Variants in ALOX5AP observed in about 807,000 individuals in gnomAD.
ALOX5AP encodes arachidonate 5-lipoxygenase-activating protein.
ALOX5AP carries 9 observed loss-of-function variants against 18.5 expected under a neutral mutation model. That is an observed-to-expected ratio of 0.49 (90% CI 0.29 to 0.85). The LOEUF (loss-of-function observed/expected upper bound fraction) is 0.85. Ranked by LOEUF, ALOX5AP falls within the 40% of genes least tolerant of loss-of-function variation. ALOX5AP has a pLI of 0.08. For missense variants in ALOX5AP, 172 were observed against 202.5 expected (o/e 0.85, Z 0.91); for synonymous variants, 81 against 78.6 (o/e 1.03, Z -0.16).
chr13:30,720,489 T>C (rs1348681535), intron 1 of ALOX5AP, among the ~76,000 whole-genome samples: 1 of 152,262 alleles, frequency 6.6e-6, no homozygotes, highest in African/African-American at 2.4e-5. Context: ...TTCATATTAA[T>C]AACATTGGAA....
intron 3 of ALOX5AP, 92 bp from the exon 4 acceptor site, chr13:30,755,852 G>A (rs1314095516): frequency 2.4e-6 from 3 of 1,268,650 alleles, no homozygotes; most frequent in Middle Eastern, 1.9e-4. Flanking sequence ...TCTTCTGCTA[G>A]ATTTTGTGAC....
At chr13:30,729,374 C>T (rs4769870) in intron 1 of ALOX5AP, among the ~76,000 whole-genome samples, 31,261 of 152,008 alleles carry the variant, frequency 0.21, 4,230 homozygotes, top group African/African-American at 0.37. Flanking sequence ...TGTTCTAGCA[C>T]CCTTGTTAAA....
intron 3 of ALOX5AP, among the ~76,000 whole-genome samples, chr13:30,754,951 C>T (rs1379528141): frequency 2.0e-5 from 3 of 152,206 alleles, no homozygotes; most frequent in African/African-American, 7.2e-5. Flanking sequence ...AAAAGTATTC[C>T]CTCAATGGCG....
At chr13:30,763,761 A>G (rs1951965644) in intron 4 of ALOX5AP, among the ~76,000 whole-genome samples, 183 bp from the exon 5 acceptor site, 1 of 152,184 alleles carries the variant, frequency 6.6e-6, no homozygotes. Context: ...AAATAAGTTC[A>G]ATGACTAGTA....
intron 4 of ALOX5AP, among the ~76,000 whole-genome samples, chr13:30,757,095 G>A (rs966331303): frequency 1.3e-5 from 2 of 152,176 alleles, no homozygotes; most frequent in South Asian, 2.1e-4. Flanking sequence ...TGAGGCTGCT[G>A]CCCCAGGTGC....
chr13:30,735,646 T>C lies in ALOX5AP; in HGVS notation c.41T>C (p.Ile14Thr). 6.2e-7 allele frequency: 1 copy of C among 1,614,114 alleles called. No individual in the cohort carries two copies. Among genetic ancestry groups the C allele is most frequent in the Non-Finnish European group, 8.5e-7 (1 of 1,180,022 alleles). The change falls in exon 1 of 5, where the codon ATC (isoleucine) becomes ACC (threonine). Residue 14 changes from isoleucine (I) to threonine (T), a missense_variant. Physicochemically the swap from Ile to Thr is moderately conservative, Grantham distance 89. Transcript: ENST00000380490. Reference protein sequence around the residue: ...ETVGNVVLLAIVTLISVVQNG... With the variant: ...ETVGNVVLLATVTLISVVQNG... Reference sequence around the variant, plus strand: ...GTAGGCAATGTTGTCCTGTTGGCCATCGTCACCCTCATCAGCGTGGTCCAG... The same window carrying C: ...GTAGGCAATGTTGTCCTGTTGGCCACCGTCACCCTCATCAGCGTGGTCCAG...
At chr13:30,750,206 G>A (rs1408342875) in intron 2 of ALOX5AP, among the ~76,000 whole-genome samples, 4 of 152,100 alleles carry the variant, frequency 2.6e-5, no homozygotes, top group African/African-American at 9.7e-5. Context: ...TTCGACCATG[G>A]ACTGTGAGAA....
intron 2 of ALOX5AP, among the ~76,000 whole-genome samples, chr13:30,751,762 G>C (rs1951853516): frequency 6.6e-6 from 1 of 152,196 alleles, no homozygotes; most frequent in South Asian, 2.1e-4. Flanking sequence ...GGCACCGCCA[G>C]GAACAGGAAC....
intron 2 of ALOX5AP, among the ~76,000 whole-genome samples, chr13:30,751,184 C>T (rs1040258756): frequency 6.6e-6 from 1 of 152,176 alleles, no homozygotes. Context: ...CTGCCTCAGC[C>T]TCCTGAGTAG....
upstream of ALOX5AP, among the ~76,000 whole-genome samples, chr13:30,732,610 C>T (rs1025621450): frequency 1.3e-5 from 2 of 152,156 alleles, no homozygotes; most frequent in African/African-American, 4.8e-5. Context: ...CAAGAATGGA[C>T]ACCCGGGCAG....
chr13:30,760,471 G>C (rs946073394), intron 4 of ALOX5AP, among the ~76,000 whole-genome samples: 1 of 152,240 alleles, frequency 6.6e-6, no homozygotes, highest in Non-Finnish European at 1.5e-5. Context: ...GAAGTGGTTA[G>C]CACCTTTGAG....
intron 3 of ALOX5AP, among the ~76,000 whole-genome samples, chr13:30,754,983 T>A (rs1353604662): frequency 6.6e-6 from 1 of 152,266 alleles, no homozygotes; most frequent in Non-Finnish European, 1.5e-5. Context: ...ATTGCTTTTA[T>A]ATCTGTAGCT....
At chr13:30,740,133 A>T (rs781651649) in intron 1 of ALOX5AP, among the ~76,000 whole-genome samples, 29 of 152,310 alleles carry the variant, frequency 1.9e-4, no homozygotes, top group Middle Eastern at 3.4e-3. Flanking sequence ...CTATGCAGAT[A>T]GGTGTCTTCT....
At chr13:30,739,176 G>A (rs916028420) in intron 1 of ALOX5AP, among the ~76,000 whole-genome samples, 1 of 151,724 alleles carries the variant, frequency 6.6e-6, no homozygotes, top group Non-Finnish European at 1.5e-5. Flanking sequence ...TCCTATTGTT[G>A]CATGGATTGA....
At chr13:30,755,124 G>A (rs767625652) in intron 3 of ALOX5AP, among the ~76,000 whole-genome samples, 78 of 152,264 alleles carry the variant, frequency 5.1e-4, no homozygotes, top group Non-Finnish European at 1.6e-4. Flanking sequence ...TTCCCAAAAA[G>A]CTAGAATGCA....
intron 1 of ALOX5AP, among the ~76,000 whole-genome samples, chr13:30,718,118 C>T (rs1374729442): frequency 2.0e-5 from 3 of 151,812 alleles, no homozygotes; most frequent in Non-Finnish European, 2.9e-5. Context: ...TGCCACCATG[C>T]CTGGCTAATT....
chr13:30,763,207 C>T (rs890969103), intron 4 of ALOX5AP, among the ~76,000 whole-genome samples: 1 of 152,168 alleles, frequency 6.6e-6, no homozygotes, highest in Non-Finnish European at 1.5e-5. Context: ...ACTTGGGAGG[C>T]TGAGGCATGA....
At chr13:30,741,788 GA>G (rs1242584903) in intron 1 of ALOX5AP, among the ~76,000 whole-genome samples, 2 of 139,996 alleles carry the variant, frequency 1.4e-5, no homozygotes, top group Non-Finnish European at 3.1e-5. Context: ...ACAGTAACAA[GA>G]AAAAAAATCT....
At chr13:30,743,817 G>C (rs1951786523) in intron 1 of ALOX5AP, among the ~76,000 whole-genome samples, 1 of 152,046 alleles carries the variant, frequency 6.6e-6, no homozygotes, top group Admixed American at 6.5e-5. Context: ...TATTCCTTTA[G>C]ACTGTAAGAT....
Sources: allele counts gnomAD v4.1 joint callset (sites outside exome capture counted in the v4.1 genomes callset), GRCh38; gene constraint gnomAD v4.1.1; transcripts MANE v1.5; gene names NCBI Gene and HGNC (gene_info 2026-07-23, HGNC 2026-07-21).